ADGRE3: variants seen among roughly 807,000 people sequenced by gnomAD.
ADGRE3 encodes adhesion G protein-coupled receptor E3.
ADGRE3 carries 88 observed loss-of-function variants against 80.1 expected under a neutral mutation model. The observed-to-expected ratio is 1.10, with a 90% CI of 0.93 to 1.31. ADGRE3 has a LOEUF of 1.31. Among genes scored for constraint, ADGRE3 ranks in the 40% most tolerant of loss-of-function variants. The probability of loss-of-function intolerance (pLI) is 0.00; values close to 1 mark genes in which losing one functional copy is unlikely to be tolerated. For synonymous variants in ADGRE3, 281 were observed against 294.8 expected, an observed-to-expected ratio of 0.95 and a Z score of 0.48; for missense variants, 715 against 776.5, an observed-to-expected ratio of 0.92 and a Z score of 0.94.
At chr19:14,629,946 G>C in intron 14 of ADGRE3, 93 bp downstream of exon 14, 1 of 790,062 alleles carries the variant, frequency 1.3e-6, no homozygotes, top group Non-Finnish European at 2.0e-6. Flanking sequence ...ATCTCATGTG[G>C]AACATTTAGA....
rs947445050 is a variant in ADGRE3 at position 14,632,963 on chromosome 19, A to T, written c.1601T>A (p.Leu534His). 8.1e-6 allele frequency: 13 copies of T among 1,613,990 alleles called. No individual in the cohort carries two copies. The highest frequency in any genetic ancestry group is 1.1e-5 in the Non-Finnish European group (13 of 1,179,892). ...TGACACTTCACTATTGAGGGAGGAA[A>T]GTTTTCTTTTCAAAATCCAAAAGAC... Reference protein sequence around the residue: ...ILVFWILKRKLSSLNSEVSTI... With the variant: ...ILVFWILKRKHSSLNSEVSTI... The change falls in exon 13 of 16, where the codon CTT (leucine) becomes CAT (histidine). Residue 534 changes from leucine to histidine, a missense_variant. Physicochemically the swap from Leu to His is moderately conservative, Grantham distance 99 (BLOSUM62 -3). Coordinates refer to ENST00000253673, the MANE Select transcript of ADGRE3 (RefSeq NM_032571.5).
chr19:14,636,149 T>TCTTTCTTTTCTTCCTTCCTTCCTTCCTTC lies in ADGRE3; in HGVS notation c.1484+1955_1484+1956insGAAGGAAGGAAGGAAGGAAGAAAAGAAAG, dbSNP rs774422809. ...TTCTTTCTTTCTTTCTTTCTTTCTT[T>TCTTTCTTTTCTTCCTTCCTTCCTTCCTTC]CTTCCTTTCCTCCTTTCCTTTCCTT... On this transcript the variant is annotated intron_variant, in intron 11 of 15. Transcript: ENST00000253673. Among the ~76,000 whole-genome samples the TCTTTCTTTTCTTCCTTCCTTCCTTCCTTC allele has an allele frequency of 4.7e-4, 19 of 40,608 alleles. 1 individual carries two copies. Among genetic ancestry groups the TCTTTCTTTTCTTCCTTCCTTCCTTCCTTC allele is most frequent in the African/African-American group, 1.3e-3 (18 of 13,778 alleles). The allele number at this position is 40,608 out of a possible 152,430, so 26.6% of individuals were successfully genotyped here. A position where few individuals can be genotyped will look rare whatever the true frequency, so the allele number is the denominator to read the frequency against.
At chr19:14,651,302 C>G (rs1330336019) in intron 6 of ADGRE3, 98 bp from the exon 7 acceptor site, 1 of 1,343,508 alleles carries the variant, frequency 7.4e-7, no homozygotes, top group Non-Finnish European at 1.0e-6. Flanking sequence ...GTAGTCCCAA[C>G]TACTCAAGAG....
chr19:14,665,636 T>C (rs1972071219), intron 2 of ADGRE3, among the ~76,000 whole-genome samples: 1 of 151,694 alleles, frequency 6.6e-6, no homozygotes, highest in African/African-American at 2.4e-5. Context: ...ATTACAGGCA[T>C]CTGCCAAAAT....
At chr19:14,605,334 G>T in the ADGRE3 span, among the ~76,000 whole-genome samples, 1 of 151,482 alleles carries the variant, frequency 6.6e-6, no homozygotes, top group East Asian at 2.0e-4. Flanking sequence ...GACCTCAGGT[G>T]ATCCACCTGT....
chr19:14,620,722 C>G (rs1240923468), intron 15 of ADGRE3, among the ~76,000 whole-genome samples: 2 of 148,734 alleles, frequency 1.3e-5, no homozygotes, highest in African/African-American at 5.0e-5. Context: ...TCCCAAATAG[C>G]TGAAACTACA....
At chr19:14,604,094 G>C in the ADGRE3 span, among the ~76,000 whole-genome samples, 1 of 152,066 alleles carries the variant, frequency 6.6e-6, no homozygotes, top group South Asian at 2.1e-4. Context: ...TCCCATTCTG[G>C]GGTCTAAGAC....
chr19:14,651,770 A>G (rs1422616669), intron 6 of ADGRE3, among the ~76,000 whole-genome samples: 1 of 152,146 alleles, frequency 6.6e-6, no homozygotes, highest in Non-Finnish European at 1.5e-5. Context: ...GGCTGGGCAC[A>G]GTGGCTCATG....
chr19:14,662,300 A>C (rs1971969971), intron 3 of ADGRE3, among the ~76,000 whole-genome samples, 182 bp from the exon 4 acceptor site: 1 of 148,158 alleles, frequency 6.7e-6, no homozygotes, highest in African/African-American at 2.5e-5. Context: ...TTCTCCAGGA[A>C]GCAGACAATG....
chr19:14,671,172 G>A (rs1972247527), intron 1 of ADGRE3, among the ~76,000 whole-genome samples: 1 of 152,166 alleles, frequency 6.6e-6, no homozygotes, highest in Non-Finnish European at 1.5e-5. Flanking sequence ...GTTTCCAATT[G>A]CTGCTATCAC....
chr19:14,602,881 G>A, the ADGRE3 span, among the ~76,000 whole-genome samples: 15 of 151,946 alleles, frequency 9.9e-5, no homozygotes, highest in African/African-American at 2.7e-4. Context: ...GATTACAGGC[G>A]CCCACCACCA....
chr19:14,608,699 T>C, the ADGRE3 span, among the ~76,000 whole-genome samples: 1 of 148,156 alleles, frequency 6.7e-6, no homozygotes, highest in African/African-American at 2.5e-5. Context: ...AGTGGTGCAG[T>C]CTTGACCCAA....
intron 12 of ADGRE3, 86 bp from the exon 13 acceptor site, chr19:14,633,098 C>T (rs2146818607): frequency 7.8e-7 from 1 of 1,274,706 alleles, no homozygotes; most frequent in Non-Finnish European, 1.1e-6. Context: ...GTCCTACCCT[C>T]TTGTACATGG....
chr19:14,646,647 C>G (rs1399074239), intron 8 of ADGRE3, among the ~76,000 whole-genome samples: 3 of 142,884 alleles, frequency 2.1e-5, no homozygotes, highest in South Asian at 2.3e-4. Context: ...TCAGTCACTT[C>G]CCTCTCTCTC....
intron 7 of ADGRE3, among the ~76,000 whole-genome samples, chr19:14,648,625 A>G (rs373204769): frequency 7.6e-4 from 115 of 152,296 alleles, no homozygotes; most frequent in African/African-American, 2.7e-3. Flanking sequence ...GGATGTTGCC[A>G]TGAAGGTGTT....
chr19:14,655,270 G>T, intron 5 of ADGRE3, 105 bp from the exon 6 acceptor site: 1 of 984,626 alleles, frequency 1.0e-6, no homozygotes, highest in Non-Finnish European at 1.5e-6. Context: ...GGAGCTGGAG[G>T]AACCACGTTC....
chr19:14,643,600 A>G (rs969757141), intron 9 of ADGRE3, among the ~76,000 whole-genome samples: 4 of 152,190 alleles, frequency 2.6e-5, no homozygotes, highest in Non-Finnish European at 4.4e-5. Context: ...ATGCGTTGTC[A>G]TAAGTCATTG....
chr19:14,606,955 T>C, the ADGRE3 span: 3 of 1,118,940 alleles, frequency 2.7e-6, no homozygotes, highest in Admixed American at 7.7e-5. Flanking sequence ...GAGGGTCATG[T>C]AGAGGAATGG....
downstream of ADGRE3, among the ~76,000 whole-genome samples, chr19:14,618,537 G>A (rs1445142051): frequency 6.6e-6 from 1 of 150,878 alleles, no homozygotes; most frequent in African/African-American, 2.4e-5. Flanking sequence ...CTGGGTGACA[G>A]AGTGAGACTC....
Sources: allele counts gnomAD v4.1 joint callset (sites outside exome capture counted in the v4.1 genomes callset), GRCh38; gene constraint gnomAD v4.1.1; transcripts MANE v1.5; gene names NCBI Gene and HGNC (gene_info 2026-07-23, HGNC 2026-07-21).